SERHL2: variants seen among roughly 807,000 people sequenced by gnomAD.
SERHL2 encodes serine hydrolase like 2, also known as serine hydrolase-like protein 2.
A neutral mutation model predicts 25.5 loss-of-function variants in SERHL2; 29 were observed. That is an observed-to-expected ratio of 1.14 (90% CI 0.85 to 1.55). The LOEUF is 1.55. Ranked by LOEUF, SERHL2 falls within the 40% of genes most tolerant of loss-of-function variation. The probability of loss-of-function intolerance (pLI) is 0.00; values close to 1 mark genes in which losing one functional copy is unlikely to be tolerated. For synonymous variants in SERHL2, 95 were observed against 103.5 expected (o/e 0.92, Z 0.50); for missense variants, 240 against 252.3 (o/e 0.95, Z 0.33).
At chr22:42,571,455 C>G (rs1296884080) in intron 10 of SERHL2, 1 of 1,337,032 alleles carries the variant, frequency 7.5e-7, no homozygotes, top group East Asian at 3.3e-5. Flanking sequence ...CAGCGGGGGG[C>G]ATGCCCAGGT....
chr22:42,571,483 G>A, intron 10 of SERHL2: 1 of 1,280,446 alleles, frequency 7.8e-7, no homozygotes, highest in Non-Finnish European at 9.9e-7. Context: ...CATAACCAGT[G>A]AGCCCAGTCT....
chr22:42,573,621 C>T (rs1353931402), intron 11 of SERHL2: 2 of 315,132 alleles, frequency 6.3e-6, no homozygotes, highest in Admixed American at 8.8e-5. Flanking sequence ...ATCTCATTAT[C>T]TTTTCTCACG....
intron 8 of SERHL2, among the ~76,000 whole-genome samples, chr22:42,563,190 C>CTTTTTTTCT (rs1569277313): frequency 7.1e-5 from 7 of 97,988 alleles, no homozygotes; most frequent in Admixed American, 3.7e-4. Flanking sequence ...TTCTTTTTTT[C>CTTTTTTTCT]TTTTTTTTTT....
intron 11 of SERHL2, chr22:42,573,644 G>A (rs1211622961): frequency 7.4e-6 from 3 of 406,140 alleles, no homozygotes; most frequent in South Asian, 3.0e-5. Context: ...TACCTCTTCT[G>A]ATACAATCAC....
chr22:42,565,642 T>C (rs1923277444), intron 8 of SERHL2, among the ~76,000 whole-genome samples: 1 of 151,508 alleles, frequency 6.6e-6, no homozygotes, highest in African/African-American at 2.4e-5. Context: ...TTTTTTAGTT[T>C]TTTTGTGTAG....
chr22:42,572,485 T>G lies in SERHL2; in HGVS notation c.781T>G (p.Ser261Ala). 6.2e-6 allele frequency: 10 copies of G among 1,611,806 alleles called. No homozygotes were observed. The highest frequency in any genetic ancestry group is 8.5e-6 in the Non-Finnish European group (10 of 1,178,274). ...AAGACAGAATTACTCTGAGAAGGAG[T>G]CCCTGTCGTTCATGATAGACACGAT... ...DSRQNYSEKE[S>A]LSFMIDTMKS... is the part of the protein sequence containing the mutation. Residue 261 changes from serine to alanine, a missense_variant, in exon 11 of 12, where the codon TCC becomes GCC. Physicochemically the swap from Ser to Ala is moderately conservative, Grantham distance 99. This residue lies in a region of SERHL2 where 212 missense variants were observed against 168.9 expected (regional missense o/e 1.25). Transcript: ENST00000327678.
At chr22:42,561,732 C>T (rs967395937) in intron 8 of SERHL2, among the ~76,000 whole-genome samples, 2 of 151,792 alleles carry the variant, frequency 1.3e-5, no homozygotes, top group African/African-American at 4.8e-5. Context: ...GTCTAAGGAG[C>T]GGCACCTGTG....
chr22:42,560,326 A>C, intron 8 of SERHL2, 61 bp downstream of exon 8: 70 of 1,312,548 alleles, frequency 5.3e-5, no homozygotes, highest in Non-Finnish European at 6.8e-5. Flanking sequence ...CGAGGATGTC[A>C]AGGACTTGCC....
At chr22:42,564,574 G>C (rs1327717478) in intron 8 of SERHL2, among the ~76,000 whole-genome samples, 2 of 151,678 alleles carry the variant, frequency 1.3e-5, no homozygotes, top group Non-Finnish European at 2.9e-5. Context: ...TGGGATTACA[G>C]GTGCCCACCA....
At chr22:42,567,721 T>TTTATTA (rs553420266) in intron 9 of SERHL2, among the ~76,000 whole-genome samples, 19 of 132,084 alleles carry the variant, frequency 1.4e-4, no homozygotes, top group Admixed American at 3.1e-4. Flanking sequence ...TTTCTTTAAT[T>TTTATTA]TTATTATTAT....
chr22:42,560,138 C>T lies in SERHL2; in HGVS notation c.534-48C>T, dbSNP rs377533537. On this transcript the variant is annotated intron_variant, in intron 7 of 11. Coordinates refer to ENST00000327678, the MANE Select transcript of SERHL2 (RefSeq NM_014509.5). Reference sequence around the variant, plus strand: ...CCCTCCTCTCCTTTTTATCTGACCTCCTTTTTATTGGCCTCCAGGCACCCA... The same window carrying T: ...CCCTCCTCTCCTTTTTATCTGACCTTCTTTTTATTGGCCTCCAGGCACCCA... 8.3e-6 allele frequency: 12 copies of T among 1,445,048 alleles called. No homozygotes were observed. The Middle Eastern group carries it at 9.2e-4, about 111-fold the overall frequency. The allele number at this position is 1,445,048 out of a possible 1,614,324, so 89.5% of individuals were successfully genotyped here.
At chr22:42,560,074 A>G (rs2089870763) in intron 7 of SERHL2, 112 bp from the exon 8 acceptor site, 2 of 771,314 alleles carry the variant, frequency 2.6e-6, no homozygotes, top group African/African-American at 1.7e-5. Context: ...GTCCTCCCAA[A>G]GTGCTGGGAT....
intron 9 of SERHL2, chr22:42,569,055 G>T (rs1447005487): frequency 6.6e-6 from 1 of 151,628 alleles, no homozygotes; most frequent in Non-Finnish European, 1.5e-5. Context: ...TTAATTTTTT[G>T]TATTTTTCAT....
At chr22:42,568,987 T>C (rs1470615493) in intron 9 of SERHL2, 1 of 151,694 alleles carries the variant, frequency 6.6e-6, no homozygotes, top group African/African-American at 2.4e-5. Flanking sequence ...GATCAAGGGA[T>C]TGTCCTGCCT....
intron 9 of SERHL2, among the ~76,000 whole-genome samples, chr22:42,566,689 G>C (rs1923439802): frequency 2.0e-5 from 3 of 152,094 alleles, no homozygotes. Flanking sequence ...AGACATCCCA[G>C]GCACTGGCTG....
intron 10 of SERHL2, 106 bp downstream of exon 10, chr22:42,571,309 C>T: frequency 6.4e-7 from 1 of 1,559,780 alleles, no homozygotes; most frequent in Non-Finnish European, 8.7e-7. Context: ...TGCGTGTCGA[C>T]CACATCGCTA....
intron 8 of SERHL2, among the ~76,000 whole-genome samples, chr22:42,564,118 G>A (rs1161835449): frequency 6.6e-6 from 1 of 151,404 alleles, no homozygotes; most frequent in African/African-American, 2.4e-5. Context: ...TATGGCTTCT[G>A]GAATTTGAGT....
chr22:42,556,762 C>T, intron 6 of SERHL2, 174 bp downstream of exon 6: 2 of 861,770 alleles, frequency 2.3e-6, no homozygotes, highest in South Asian at 3.7e-5. Flanking sequence ...GCTGCTTATA[C>T]CCCTAGCAGT....
At position 42,561,863 on chromosome 22, in the gene SERHL2, G is replaced by A. The variant is rs190777316; in HGVS notation, c.613+1598G>A. 1.5e-4 allele frequency among the ~76,000 whole-genome samples: 23 copies of A among 151,922 alleles called. 1 individual carries two copies. The highest frequency in any genetic ancestry group is 1.1e-3 in the Admixed American group (17 of 15,276). Reference sequence around the variant, plus strand: ...GGGGAGGGGAGGTCAAGGACCCCGGGCCCAGGCTTCCTGGACATGCCTCAC... The same window carrying A: ...GGGGAGGGGAGGTCAAGGACCCCGGACCCAGGCTTCCTGGACATGCCTCAC... On this transcript the variant is annotated intron_variant, in intron 8 of 11. Coordinates refer to ENST00000327678, the MANE Select transcript of SERHL2 (RefSeq NM_014509.5).
Sources: gnomAD v4.1 joint callset for allele counts (sites outside exome capture counted in the v4.1 genomes callset) on GRCh38, gnomAD v4.1.1 for gene constraint, gnomAD v4.1.1 regional missense constraint, MANE v1.5 for transcripts, NCBI Gene and HGNC (gene_info 2026-07-23, HGNC 2026-07-21) for gene names.